The following AUTS2 variants were observed in gnomAD, a reference collection of about 807,000 sequenced individuals.
AUTS2 encodes the protein activator of transcription and developmental regulator AUTS2, also known as autism susceptibility gene 2 protein.
Under a neutral mutation model 112.4 loss-of-function variants are expected in AUTS2, and 17 were observed. The ratio of observed to expected loss-of-function variants is 0.15; its 90% CI spans 0.10 to 0.23. The LOEUF is 0.23. Among genes scored for constraint, AUTS2 ranks in the 10% least tolerant of loss-of-function variants. The pLI is 1.00. For missense variants in AUTS2, 1,510 were observed against 1,701.6 expected, an observed-to-expected ratio of 0.89 and a Z score of 1.98; for synonymous variants, 751 against 702.7, an observed-to-expected ratio of 1.07 and a Z score of -1.09.
At chr7:69,769,603 C>T (rs1788575312) in intron 1 of AUTS2, among the ~76,000 whole-genome samples, 1 of 152,162 alleles carries the variant, frequency 6.6e-6, no homozygotes, top group Admixed American at 6.5e-5. Flanking sequence ...TTTATATCTC[C>T]CTCCCCTCCT....
At chr7:70,345,002 T>C (rs932711904) in intron 4 of AUTS2, among the ~76,000 whole-genome samples, 5 of 152,234 alleles carry the variant, frequency 3.3e-5, no homozygotes, top group Admixed American at 3.3e-4. Context: ...GGGTCCAATG[T>C]GCCTTTGACT....
intron 1 of AUTS2, among the ~76,000 whole-genome samples, chr7:69,835,848 A>C (rs1180968231): frequency 1.3e-5 from 2 of 152,202 alleles, no homozygotes; most frequent in Non-Finnish European, 2.9e-5. Flanking sequence ...AGAGGTGAAG[A>C]AGATGTTTAT....
chr7:70,415,169 G>A (rs1794938015), intron 4 of AUTS2, among the ~76,000 whole-genome samples: 2 of 152,192 alleles, frequency 1.3e-5, no homozygotes, highest in African/African-American at 4.8e-5. Flanking sequence ...GGCCTTCGTA[G>A]GTCTTTGTCC....
At chr7:69,821,124 G>A (rs1790970376) in intron 1 of AUTS2, among the ~76,000 whole-genome samples, 1 of 152,150 alleles carries the variant, frequency 6.6e-6, no homozygotes, top group Non-Finnish European at 1.5e-5. Flanking sequence ...TAGATTCAGT[G>A]CCCAGTATGT....
intron 2 of AUTS2, among the ~76,000 whole-genome samples, chr7:69,902,876 G>A (rs912944393): frequency 6.6e-6 from 1 of 152,168 alleles, no homozygotes; most frequent in African/African-American, 2.4e-5. Context: ...TGCCTTAGAA[G>A]ATGCTGAGGT....
intron 4 of AUTS2, among the ~76,000 whole-genome samples, chr7:70,275,167 G>A (rs1705497697): frequency 6.6e-6 from 1 of 152,110 alleles, no homozygotes; most frequent in South Asian, 2.1e-4. Context: ...CTCCTGCCTG[G>A]TACTACAGAC....
chr7:69,810,219 T>C (rs1790489400), intron 1 of AUTS2, among the ~76,000 whole-genome samples: 6 of 152,136 alleles, frequency 3.9e-5, no homozygotes, highest in Admixed American at 3.9e-4. Flanking sequence ...GCGTCAGAGC[T>C]CATAAGGCTT....
chr7:69,948,401 C>T (rs887326763), intron 2 of AUTS2, among the ~76,000 whole-genome samples: 2 of 152,182 alleles, frequency 1.3e-5, no homozygotes, highest in Admixed American at 6.5e-5. Context: ...GATATTTTCT[C>T]AAATACTGGG....
chr7:69,972,674 T>C (rs1030399387), intron 2 of AUTS2, among the ~76,000 whole-genome samples: 7 of 121,178 alleles, frequency 5.8e-5, no homozygotes, highest in East Asian at 2.7e-4. Context: ...TGCGTGCATG[T>C]GTGTGTGTGT....
At chr7:69,716,442 A>G (rs1343111881) in intron 1 of AUTS2, among the ~76,000 whole-genome samples, 3 of 152,156 alleles carry the variant, frequency 2.0e-5, no homozygotes, top group Non-Finnish European at 4.4e-5. Flanking sequence ...AAGAAGCAGG[A>G]CAAGGACTGA....
Position 69,899,135 on chromosome 7 carries a change from A to T in AUTS2, c.310-151A>T, listed in dbSNP as rs933932238. The stretch of plus-strand genomic sequence containing the variant: ...AAGGATTCAGGAAAATTGAGAAGCC[A>T]TGTTTCTTAGTTTTGGGTCTTCTCA... On this transcript the variant is annotated intron_variant, in intron 1 of 18. Transcript: ENST00000342771. The T allele has an allele frequency of 5.0e-5, 31 of 615,722 alleles. No individual in the cohort carries two copies. The South Asian group carries it at 6.3e-4, about 13-fold the overall frequency. The allele number at this position is 615,722 out of a possible 1,614,324, so 38.1% of individuals were successfully genotyped here.
intron 5 of AUTS2, among the ~76,000 whole-genome samples, chr7:70,555,174 T>C (rs734930): frequency 0.53 from 79,979 of 152,012 alleles, 21,652 homozygotes; most frequent in Admixed American, 0.6. Flanking sequence ...TGAAAGTGTG[T>C]GGTTAAAACA....
chr7:70,638,219 T>A (rs1805625030), intron 5 of AUTS2, among the ~76,000 whole-genome samples: 1 of 148,634 alleles, frequency 6.7e-6, no homozygotes, highest in Non-Finnish European at 1.5e-5. Flanking sequence ...ATAGTAATAA[T>A]CCCCCCGAAT....
intron 5 of AUTS2, among the ~76,000 whole-genome samples, chr7:70,584,435 G>A (rs933217078): frequency 1.3e-5 from 2 of 152,216 alleles, no homozygotes; most frequent in Non-Finnish European, 2.9e-5. Context: ...TTTCATTCAC[G>A]CTGTGACAGC....
chr7:70,761,869 G>GA (rs1250733752), intron 6 of AUTS2, among the ~76,000 whole-genome samples: 2 of 152,318 alleles, frequency 1.3e-5, no homozygotes, highest in East Asian at 1.9e-4. Context: ...GTTGAGTGGG[G>GA]AACCCCATGT....
intron 4 of AUTS2, among the ~76,000 whole-genome samples, chr7:70,222,442 A>C (rs1811535440): frequency 6.6e-6 from 1 of 152,204 alleles, no homozygotes; most frequent in Non-Finnish European, 1.5e-5. Context: ...AGAAGGAAGA[A>C]AACTGGAGAA....
At chr7:69,814,299 GC>G (rs1349372352) in intron 1 of AUTS2, among the ~76,000 whole-genome samples, 1 of 152,174 alleles carries the variant, frequency 6.6e-6, no homozygotes, top group East Asian at 1.9e-4. Context: ...TGATGCTTCT[GC>G]CCCACTAGTT....
intron 4 of AUTS2, among the ~76,000 whole-genome samples, chr7:70,152,948 C>T (rs1807525059): frequency 6.6e-6 from 1 of 152,130 alleles, no homozygotes; most frequent in Non-Finnish European, 1.5e-5. Flanking sequence ...ACTCTAGTTT[C>T]TCTTTAGATC....
chr7:70,184,898 A>G (rs917269240), intron 4 of AUTS2, among the ~76,000 whole-genome samples: 2 of 152,124 alleles, frequency 1.3e-5, no homozygotes, highest in Admixed American at 1.3e-4. Flanking sequence ...CGAAGGCTAT[A>G]TTTTGGCTTA....
Sources: allele counts gnomAD v4.1 joint callset (sites outside exome capture counted in the v4.1 genomes callset), GRCh38; gene constraint gnomAD v4.1.1; transcripts MANE v1.5; gene names NCBI Gene and HGNC (gene_info 2026-07-23, HGNC 2026-07-21).